DMGDH: variants seen among roughly 807,000 people sequenced by gnomAD.
The protein encoded by DMGDH is dimethylglycine dehydrogenase, mitochondrial.
A neutral mutation model predicts 95.2 loss-of-function variants in DMGDH; 76 were observed. That is an observed-to-expected ratio of 0.80 (90% CI 0.66 to 0.97). The LOEUF (loss-of-function observed/expected upper bound fraction) is 0.97. Ranked by LOEUF, DMGDH falls within the 50% of genes least tolerant of loss-of-function variation. The pLI is 0.00. For synonymous variants in DMGDH, 345 were observed against 377.6 expected (o/e 0.91, Z 1.00); for missense variants, 987 against 1,055.0 (o/e 0.94, Z 0.89).
chr5:79,054,489 TC>T, intron 3 of DMGDH, 141 bp from the exon 4 acceptor site: 1 of 928,020 alleles, frequency 1.1e-6, no homozygotes. Context: ...AATATTTGCA[TC>T]TTATTAAAAG....
Position 79,069,535 on chromosome 5 carries a change from A to T in DMGDH, c.86T>A (p.Val29Asp), listed in dbSNP as rs1755487910. The change falls in exon 1 of 16, where the codon GTC becomes GAC. Residue 29 changes from valine to aspartate, a missense_variant. Coordinates refer to ENST00000255189, the MANE Select transcript of DMGDH (RefSeq NM_013391.3). ...CCCCACTCACCCTTCCCGGCCGCAG[A>T]CAGAGCGCGGGCGCCCGGGGGAGCC... ...LQGSPGRPRS[V>D]CGREGEEKPP... 3 of 1,308,464 alleles carry T rather than the reference A, an allele frequency of 2.3e-6. No homozygotes were observed. Among genetic ancestry groups the T allele is most frequent in the African/African-American group, 3.1e-5 (2 of 65,096 alleles). 81.1% of individuals were successfully genotyped at this position (1,308,464 alleles called of 1,614,324 possible).
chr5:79,065,979 A>G (rs1755367596), intron 1 of DMGDH, among the ~76,000 whole-genome samples: 1 of 152,206 alleles, frequency 6.6e-6, no homozygotes, highest in Non-Finnish European at 1.5e-5. Flanking sequence ...CACATTTTAG[A>G]GTAAATTGTA....
intron 15 of DMGDH, among the ~76,000 whole-genome samples, chr5:79,004,664 T>C (rs182666331): frequency 2.0e-5 from 3 of 152,202 alleles, no homozygotes; most frequent in Admixed American, 2.0e-4. Flanking sequence ...GGAGAAAAAA[T>C]GGAGAAAATA....
intron 15 of DMGDH, chr5:79,000,441 C>T (rs1753434516): frequency 4.8e-6 from 3 of 620,724 alleles, no homozygotes; most frequent in Non-Finnish European, 9.4e-6. Flanking sequence ...CCATTTTCAC[C>T]TGTTTGGGAC....
intron 14 of DMGDH, among the ~76,000 whole-genome samples, chr5:79,017,192 C>T (rs1753749380): frequency 6.6e-6 from 1 of 151,898 alleles, no homozygotes; most frequent in South Asian, 2.1e-4. Context: ...TTGATAAGAA[C>T]TTTAAAATTC....
intron 5 of DMGDH, among the ~76,000 whole-genome samples, chr5:79,050,432 G>A (rs955446005): frequency 6.6e-6 from 1 of 151,816 alleles, no homozygotes; most frequent in Non-Finnish European, 1.5e-5. Context: ...AGAGCTCAAA[G>A]AAAATCAGTC....
intron 14 of DMGDH, among the ~76,000 whole-genome samples, chr5:79,015,591 C>G (rs1048992638): frequency 6.6e-6 from 1 of 152,180 alleles, no homozygotes; most frequent in Admixed American, 6.5e-5. Context: ...CAGCCCTGAG[C>G]TGGGTGTTGG....
chr5:79,030,973 A>T lies in DMGDH; in HGVS notation c.1543T>A (p.Phe515Ile). 1 of 1,614,236 alleles carries T rather than the reference A, an allele frequency of 6.2e-7. No homozygotes were observed. Among genetic ancestry groups the T allele is most frequent in the Non-Finnish European group, 8.5e-7 (1 of 1,180,030 alleles). The change falls in exon 10 of 16, where the codon TTT becomes ATT. Residue 515 changes from phenylalanine to isoleucine, a missense_variant. Physicochemically the swap from Phe to Ile is conservative, Grantham distance 21. Transcript: ENST00000255189. The part of the protein sequence containing the change: ...YRPSFRRTNW[F>I]EPVGSEYKQV... ...TTATACTCCGAGCCCACAGGCTCAAACCAGTTTGTGCGGCGAAAACTTGGC... is the reference window on the plus strand; with the variant it reads ...TTATACTCCGAGCCCACAGGCTCAATCCAGTTTGTGCGGCGAAAACTTGGC...
chr5:79,063,075 C>A (rs1755257374), intron 2 of DMGDH, among the ~76,000 whole-genome samples: 1 of 151,310 alleles, frequency 6.6e-6, no homozygotes, highest in Admixed American at 6.6e-5. Context: ...CTGGTAACAG[C>A]GAGACTCCAT....
chr5:79,048,590 G>A (rs1224379625), intron 5 of DMGDH, among the ~76,000 whole-genome samples: 2 of 152,134 alleles, frequency 1.3e-5, no homozygotes, highest in Admixed American at 6.6e-5. Context: ...ATTATAGCAT[G>A]ATGACTTCTG....
At position 79,051,344 on chromosome 5, in the gene DMGDH, A is replaced by C; in HGVS notation, c.688T>G (p.Trp230Gly). The change falls in exon 5 of 16, where the codon TGG becomes GGG. Residue 230 changes from tryptophan (W) to glycine (G), a missense_variant. Trp to Gly is a radical substitution (Grantham distance 184). Coordinates refer to ENST00000255189, the MANE Select transcript of DMGDH (RefSeq NM_013391.3). ...TSLKARSDGT[W>G]DVETPQGSMR... ...GACCCCTGTGGTGTTTCAACGTCCC[A>C]TGTTCCATCTGACCTGGCTTTCAGA... The C allele has an allele frequency of 6.2e-7, 1 of 1,614,190 alleles. No individual in the cohort carries two copies. The highest frequency in any genetic ancestry group is 8.5e-7 in the Non-Finnish European group (1 of 1,180,032).
chr5:79,066,237 CCTTT>C (rs1755375972), intron 1 of DMGDH, among the ~76,000 whole-genome samples: 1 of 152,070 alleles, frequency 6.6e-6, no homozygotes, highest in Non-Finnish European at 1.5e-5. Context: ...CCTAATACTT[CCTTT>C]GTGTTTTATG....
chr5:79,050,906 A>C (rs899506018), intron 5 of DMGDH, among the ~76,000 whole-genome samples: 4 of 152,260 alleles, frequency 2.6e-5, no homozygotes, highest in African/African-American at 7.2e-5. Flanking sequence ...CCAAATGATC[A>C]AATCTGCCCT....
chr5:79,029,670 AATAAATGG>A (rs1480589861), intron 11 of DMGDH, among the ~76,000 whole-genome samples: 1 of 146,380 alleles, frequency 6.8e-6, no homozygotes, highest in Non-Finnish European at 1.6e-5. Context: ...GATGATGCCT[AATAAATGG>A]ATTAATATTA....
Position 79,030,823 on chromosome 5 carries a change from G to A in DMGDH, c.1683+10C>T. 2 of 1,613,770 alleles carry A rather than the reference G, an allele frequency of 1.2e-6. No homozygotes were observed. Among genetic ancestry groups the A allele is most frequent in the East Asian group, 4.5e-5 (2 of 44,866 alleles). On this transcript the variant is annotated intron_variant, in intron 10 of 15. Transcript: ENST00000255189. Reference sequence around the variant, plus strand: ...AATCCTGGACCTTGTATCCCTACAAGGCTATTTACCTTTGGAATGACATTT... The same window carrying A: ...AATCCTGGACCTTGTATCCCTACAAAGCTATTTACCTTTGGAATGACATTT...
intron 5 of DMGDH, among the ~76,000 whole-genome samples, chr5:79,046,390 GTT>G (rs57204780): frequency 0.13 from 20,028 of 151,748 alleles, 3,478 homozygotes; most frequent in African/African-American, 0.4. Flanking sequence ...GGCCTGTTTT[GTT>G]TTGTTTTTGA....
chr5:79,030,581 G>A (rs536338214), intron 10 of DMGDH: 1 of 374,090 alleles, frequency 2.7e-6, no homozygotes, highest in African/African-American at 2.2e-5. Flanking sequence ...GGGAGGCGAA[G>A]GTTGCAGTGA....
At chr5:79,042,113 G>A (rs1409638262) in intron 7 of DMGDH, among the ~76,000 whole-genome samples, 170 bp downstream of exon 7, 1 of 152,052 alleles carries the variant, frequency 6.6e-6, no homozygotes, top group Non-Finnish European at 1.5e-5. Flanking sequence ...TTTATTCATT[G>A]TATGAATCCT....
chr5:79,003,539 G>T (rs1384483435), intron 15 of DMGDH, among the ~76,000 whole-genome samples: 1 of 152,182 alleles, frequency 6.6e-6, no homozygotes, highest in East Asian at 1.9e-4. Context: ...GTGGAGGTCA[G>T]CCCATCCAGG....
Sources: gnomAD v4.1 joint callset for allele counts (sites outside exome capture counted in the v4.1 genomes callset) on GRCh38, gnomAD v4.1.1 for gene constraint, MANE v1.5 for transcripts, NCBI Gene and HGNC (gene_info 2026-07-23, HGNC 2026-07-21) for gene names.